Variants in EVI5 observed in about 807,000 individuals in gnomAD.
EVI5 encodes the protein ecotropic viral integration site 5 protein homolog.
EVI5 carries 73 observed loss-of-function variants against 112.0 expected under a neutral mutation model. The ratio of observed to expected loss-of-function variants is 0.65; its 90% CI spans 0.54 to 0.79. EVI5 has a LOEUF of 0.79. EVI5 is among the 30% of genes least tolerant of loss of function. The pLI, the probability that EVI5 is intolerant of heterozygous loss-of-function variation, is 0.00. For synonymous variants in EVI5, 305 were observed against 319.9 expected, an observed-to-expected ratio of 0.95 and a Z score of 0.50; for missense variants, 900 against 968.8, an observed-to-expected ratio of 0.93 and a Z score of 0.94.
At chr1:92,644,028 T>C (rs537949075) in intron 13 of EVI5, among the ~76,000 whole-genome samples, 27 of 152,306 alleles carry the variant, frequency 1.8e-4, no homozygotes, top group African/African-American at 6.5e-4. Context: ...GGATCATTTG[T>C]GGAGGGTAAA....
At chr1:92,532,113 C>CAAAAA (rs58704635) in intron 19 of EVI5, among the ~76,000 whole-genome samples, 1 of 151,336 alleles carries the variant, frequency 6.6e-6, no homozygotes, top group African/African-American at 2.4e-5. Context: ...AAATGGAAAG[C>CAAAAA]AAAAAAAAGC....
chr1:92,520,888 GGCCTGC>G (rs1660801515), intron 19 of EVI5, among the ~76,000 whole-genome samples: 4 of 151,012 alleles, frequency 2.6e-5, no homozygotes, highest in Admixed American at 2.0e-4. Context: ...TGAAAATAGT[GGCCTGC>G]AAAAAGCAAG....
chr1:92,612,868 GT>G (rs1220047200), intron 16 of EVI5, among the ~76,000 whole-genome samples: 1 of 152,152 alleles, frequency 6.6e-6, no homozygotes, highest in Non-Finnish European at 1.5e-5. Flanking sequence ...TATCAGACTG[GT>G]GGAAGCTAAG....
intron 18 of EVI5, among the ~76,000 whole-genome samples, chr1:92,572,446 C>G (rs540235565): frequency 1.3e-5 from 2 of 152,106 alleles, no homozygotes; most frequent in South Asian, 4.1e-4. Flanking sequence ...AAAAACAATT[C>G]ATCCCCTCTT....
chr1:92,684,412 T>C (rs1427447427), intron 9 of EVI5, among the ~76,000 whole-genome samples: 1 of 151,948 alleles, frequency 6.6e-6, no homozygotes, highest in Non-Finnish European at 1.5e-5. Flanking sequence ...GCACTAAACA[T>C]GGAAAAGAAC....
At chr1:92,693,242 G>GT (rs1669781978) in intron 9 of EVI5, among the ~76,000 whole-genome samples, 1 of 152,042 alleles carries the variant, frequency 6.6e-6, no homozygotes, top group South Asian at 2.1e-4. Flanking sequence ...TAGTACACCT[G>GT]TGCTTTAGTA....
chr1:92,529,795 A>T (rs1662538009), intron 19 of EVI5, among the ~76,000 whole-genome samples: 1 of 152,168 alleles, frequency 6.6e-6, no homozygotes, highest in Non-Finnish European at 1.5e-5. Context: ...TGATATTGTT[A>T]AACTATTAGC....
chr1:92,674,121 CGGGA>C (rs1485579035), intron 10 of EVI5, among the ~76,000 whole-genome samples: 1 of 151,982 alleles, frequency 6.6e-6, no homozygotes, highest in Non-Finnish European at 1.5e-5. Flanking sequence ...GAGACTTTTG[CGGGA>C]GGGAGGGAGT....
At chr1:92,679,166 T>A (rs1388795281) in intron 9 of EVI5, among the ~76,000 whole-genome samples, 6 of 152,142 alleles carry the variant, frequency 3.9e-5, no homozygotes, top group Non-Finnish European at 1.5e-5. Context: ...GGATCTAGGC[T>A]GCGGGCTCCT....
chr1:92,677,999 A>T (rs1401382356), intron 9 of EVI5, among the ~76,000 whole-genome samples: 2 of 152,142 alleles, frequency 1.3e-5, no homozygotes, highest in South Asian at 4.1e-4. Flanking sequence ...GGAGCTAAAC[A>T]CTGGGTACTC....
chr1:92,612,326 A>G (rs1437268516), intron 16 of EVI5, among the ~76,000 whole-genome samples: 1 of 152,246 alleles, frequency 6.6e-6, no homozygotes, highest in Non-Finnish European at 1.5e-5. Flanking sequence ...AGTACCAAAC[A>G]AAACAATCAC....
At chr1:92,522,407 G>A (rs1571295589) in intron 19 of EVI5, among the ~76,000 whole-genome samples, 2 of 152,020 alleles carry the variant, frequency 1.3e-5, no homozygotes, top group South Asian at 4.1e-4. Flanking sequence ...GGAGGCCAAG[G>A]CAGAAGGATC....
At chr1:92,595,412 T>C (rs571639886) in intron 18 of EVI5, among the ~76,000 whole-genome samples, 1 of 151,728 alleles carries the variant, frequency 6.6e-6, no homozygotes, top group South Asian at 2.1e-4. Flanking sequence ...CCGAGGCCTG[T>C]TGTGGGGTGG....
intron 13 of EVI5, among the ~76,000 whole-genome samples, chr1:92,658,801 G>A (rs1309789227): frequency 4.6e-5 from 7 of 152,006 alleles, no homozygotes; most frequent in Non-Finnish European, 1.0e-4. Flanking sequence ...GAACAATACT[G>A]GAGATATTGC....
intron 18 of EVI5, among the ~76,000 whole-genome samples, chr1:92,600,436 A>G (rs1226736224): frequency 6.6e-6 from 1 of 152,176 alleles, no homozygotes; most frequent in Non-Finnish European, 1.5e-5. Context: ...ATCATGTTTC[A>G]TAATTTTTAA....
chr1:92,757,155 C>T lies in EVI5; in HGVS notation c.-81-20528G>A, dbSNP rs373088901. Among the ~76,000 whole-genome samples the T allele has an allele frequency of 5.9e-4, 90 of 152,268 alleles. No homozygotes were observed. In the South Asian group the frequency reaches 0.018, roughly 31 times the overall value. On this transcript the variant is annotated intron_variant, in intron 1 of 19. Transcript: ENST00000684568. ...GGACTAAACAAACACTTTGACGGTG[C>T]GTGTGTCAAATTTAGTTACAACAAA...
intron 13 of EVI5, among the ~76,000 whole-genome samples, chr1:92,651,222 G>A (rs1222173918): frequency 6.6e-6 from 1 of 152,080 alleles, no homozygotes; most frequent in African/African-American, 2.4e-5. Flanking sequence ...TCCATTATAA[G>A]ATTAACACAT....
intron 2 of EVI5, among the ~76,000 whole-genome samples, chr1:92,715,313 T>G (rs1253838600): frequency 6.6e-6 from 1 of 152,068 alleles, no homozygotes; most frequent in African/African-American, 2.4e-5. Flanking sequence ...CCTGACAGTT[T>G]CAATGATTTT....
chr1:92,735,821 TTATAA>T lies in EVI5; in HGVS notation c.149+572_149+576del, dbSNP rs1056759495. ...TATATATTTTGTATATTATATATTA[TTATAA>T]TATAATCTATTATAATATATATTAT... On this transcript the variant is annotated intron_variant, in intron 2 of 19. Transcript: ENST00000684568. 3.3e-4 allele frequency among the ~76,000 whole-genome samples: 48 copies of T among 144,360 alleles called. No individual in the cohort carries two copies. The East Asian group carries it at 9.2e-3, about 28-fold the overall frequency. The allele number at this position is 144,360 out of a possible 152,430, so 94.7% of individuals were successfully genotyped here.
Sources: gnomAD v4.1 joint callset for allele counts (sites outside exome capture counted in the v4.1 genomes callset) on GRCh38, gnomAD v4.1.1 for gene constraint, MANE v1.5 for transcripts, NCBI Gene and HGNC (gene_info 2026-07-23, HGNC 2026-07-21) for gene names.